The following TRPM6 variants were observed in gnomAD, a reference collection of about 807,000 sequenced individuals.
TRPM6 encodes channel kinase 2.
A neutral mutation model predicts 247.6 loss-of-function variants in TRPM6; 111 were observed. That is an observed-to-expected ratio of 0.45 (90% CI 0.38 to 0.52). The LOEUF (loss-of-function observed/expected upper bound fraction) is 0.52. Ranked by LOEUF, TRPM6 falls within the 20% of genes least tolerant of loss-of-function variation. The pLI is 0.00. For synonymous variants in TRPM6, 892 were observed against 853.8 expected (o/e 1.04, Z -0.78); for missense variants, 2,126 against 2,421.5 (o/e 0.88, Z 2.56).
At position 74,821,773 on chromosome 9, in the gene TRPM6, T is replaced by C. The variant is rs771977074; in HGVS notation, c.906A>G (p.Ser302=). ...CCTTGTCCTTGACAGTCTCCCACAC[T>C]GACAGGATGACGTTGGGACCGCCTT... is the stretch of plus-strand genomic sequence containing the variant. The part of the protein sequence containing the change: ...VVEGGPNVIL[S]VWETVKDKDP... The change falls in exon 8 of 39, where the codon TCA becomes TCG. Residue 302 remains serine (S), a synonymous_variant. Coordinates refer to ENST00000360774, the MANE Select transcript of TRPM6 (RefSeq NM_017662.5). 1 of 1,614,186 alleles carries C rather than the reference T, an allele frequency of 6.2e-7. No homozygotes were observed. The highest frequency in any genetic ancestry group is 2.2e-5 in the East Asian group (1 of 44,874).
At chr9:74,749,262 T>C (rs189564581) in intron 30 of TRPM6, among the ~76,000 whole-genome samples, 2 of 152,290 alleles carry the variant, frequency 1.3e-5, no homozygotes. Flanking sequence ...GAAAGAGAAG[T>C]ATTAGTTACA....
At chr9:74,752,133 T>C (rs923234541) in intron 29 of TRPM6, 144 bp downstream of exon 29, 9 of 605,752 alleles carry the variant, frequency 1.5e-5, no homozygotes, top group Non-Finnish European at 2.1e-5. Flanking sequence ...GAAATTCAAC[T>C]GAGCATAGCT....
intron 7 of TRPM6, 47 bp downstream of exon 7, chr9:74,827,731 A>G (rs1327597120): frequency 6.2e-7 from 1 of 1,600,868 alleles, no homozygotes; most frequent in Non-Finnish European, 8.6e-7. Flanking sequence ...GAAAGACCTC[A>G]GCAGGCCTGC....
At chr9:74,827,563 G>T in intron 7 of TRPM6, 1 of 668,468 alleles carries the variant, frequency 1.5e-6, no homozygotes, top group Non-Finnish European at 2.7e-6. Flanking sequence ...ATGGAAGGAT[G>T]AAGACTTTAG....
intron 3 of TRPM6, among the ~76,000 whole-genome samples, chr9:74,854,820 A>G (rs1458645681): frequency 6.6e-6 from 1 of 152,068 alleles, no homozygotes; most frequent in Non-Finnish European, 1.5e-5. Flanking sequence ...CACACCAACA[A>G]GTCCCGCTAC....
intron 36 of TRPM6, among the ~76,000 whole-genome samples, chr9:74,736,852 A>T (rs1027957884): frequency 5.3e-5 from 8 of 152,348 alleles, no homozygotes; most frequent in African/African-American, 1.7e-4. Flanking sequence ...ACTAAGAGAC[A>T]TAAAAATCCC....
At chr9:74,740,575 A>G (rs1478428465) in intron 33 of TRPM6, among the ~76,000 whole-genome samples, 1 of 152,222 alleles carries the variant, frequency 6.6e-6, no homozygotes, top group Admixed American at 6.5e-5. Flanking sequence ...CATCTTTTTC[A>G]TATACACCTT....
intron 25 of TRPM6, among the ~76,000 whole-genome samples, chr9:74,767,069 G>T (rs1826852294): frequency 6.6e-6 from 1 of 152,040 alleles, no homozygotes; most frequent in African/African-American, 2.4e-5. Flanking sequence ...TTTCTTTTGG[G>T]GTTTCCTAGA....
intron 25 of TRPM6, among the ~76,000 whole-genome samples, chr9:74,770,296 A>G (rs1171492312): frequency 6.6e-6 from 1 of 152,240 alleles, no homozygotes; most frequent in African/African-American, 2.4e-5. Flanking sequence ...AAAAACATGC[A>G]TAATTAGATA....
At chr9:74,784,656 A>G (rs1044460739) in intron 21 of TRPM6, among the ~76,000 whole-genome samples, 5 of 152,190 alleles carry the variant, frequency 3.3e-5, no homozygotes, top group African/African-American at 1.2e-4. Flanking sequence ...TCAGAGACAG[A>G]TTTGACTCAA....
intron 7 of TRPM6, 121 bp downstream of exon 7, chr9:74,827,657 G>T: frequency 1.0e-6 from 1 of 1,005,024 alleles, no homozygotes. Context: ...GGTGGCTGAA[G>T]AGTATTAAGG....
At chr9:74,772,736 G>A (rs1027986637) in intron 24 of TRPM6, among the ~76,000 whole-genome samples, 4 of 152,146 alleles carry the variant, frequency 2.6e-5, no homozygotes, top group Non-Finnish European at 5.9e-5. Flanking sequence ...GGCAGGGCAT[G>A]GTGGCTCACA....
At chr9:74,789,907 G>A (rs1827837119) in intron 19 of TRPM6, among the ~76,000 whole-genome samples, 1 of 140,448 alleles carries the variant, frequency 7.1e-6, no homozygotes, top group Non-Finnish European at 1.5e-5. Context: ...GTTGCAGTGA[G>A]CCGAGATTGC....
intron 3 of TRPM6, 88 bp downstream of exon 3, chr9:74,855,439 G>T: frequency 1.1e-6 from 1 of 927,202 alleles, no homozygotes; most frequent in Non-Finnish European, 1.8e-6. Flanking sequence ...CATTTACTGA[G>T]TACATTCAAG....
At chr9:74,796,686 T>C (rs1044871075) in intron 18 of TRPM6, 55 bp downstream of exon 18, 10 of 1,575,978 alleles carry the variant, frequency 6.3e-6, no homozygotes, top group African/African-American at 5.4e-5. Context: ...AGGATGTGTA[T>C]ATTTGCGTGC....
chr9:74,771,602 C>A, intron 25 of TRPM6, 101 bp downstream of exon 25: 1 of 1,205,370 alleles, frequency 8.3e-7, no homozygotes, highest in Non-Finnish European at 1.2e-6. Flanking sequence ...ATAAAGAACT[C>A]AAACCTCTGG....
At chr9:74,750,520 C>T (rs1826208257) in intron 30 of TRPM6, 144 bp downstream of exon 30, 1 of 764,292 alleles carries the variant, frequency 1.3e-6, no homozygotes, top group African/African-American at 1.7e-5. Context: ...AAATCATTTT[C>T]ATTCTGCTAA....
chr9:74,803,687 T>TA, intron 15 of TRPM6, 107 bp downstream of exon 15: 1 of 839,362 alleles, frequency 1.2e-6, no homozygotes, highest in Non-Finnish European at 2.1e-6. Context: ...ATGGCACTTA[T>TA]AAATGGTCCC....
At chr9:74,758,408 G>GA (rs925510357) in intron 27 of TRPM6, among the ~76,000 whole-genome samples, 7 of 151,862 alleles carry the variant, frequency 4.6e-5, no homozygotes, top group East Asian at 1.9e-4. Context: ...AATACAATAT[G>GA]AAAAAAAATA....
Sources: allele counts gnomAD v4.1 joint callset (sites outside exome capture counted in the v4.1 genomes callset), GRCh38; gene constraint gnomAD v4.1.1; transcripts MANE v1.5; gene names NCBI Gene and HGNC (gene_info 2026-07-23, HGNC 2026-07-21).